CCDC181: variants seen among roughly 807,000 people sequenced by gnomAD.
CCDC181 encodes the protein coiled-coil domain-containing protein 181.
A neutral mutation model predicts 58.7 loss-of-function variants in CCDC181; 35 were observed. The ratio of observed to expected loss-of-function variants is 0.60; its 90% CI spans 0.46 to 0.79. The LOEUF is 0.79. Ranked by LOEUF, CCDC181 falls within the 30% of genes least tolerant of loss-of-function variation. The pLI is 0.00. For synonymous variants in CCDC181, 183 were observed against 197.5 expected (o/e 0.93, Z 0.62); for missense variants, 517 against 583.9 (o/e 0.89, Z 1.18).
chr1:169,430,635 G>A (rs1378572063), upstream of CCDC181, among the ~76,000 whole-genome samples: 1 of 150,670 alleles, frequency 6.6e-6, no homozygotes, highest in South Asian at 2.1e-4. Flanking sequence ...GGTGGAGGGT[G>A]TCCATGTTCT....
chr1:169,397,938 T>C (rs1225196794), intron 4 of CCDC181, among the ~76,000 whole-genome samples: 1 of 152,224 alleles, frequency 6.6e-6, no homozygotes, highest in Non-Finnish European at 1.5e-5. Flanking sequence ...ATAAGCTTTG[T>C]GATTGAGCTT....
chr1:169,458,295 A>G (rs1266225798), intron 2 of CCDC181, among the ~76,000 whole-genome samples: 1 of 151,498 alleles, frequency 6.6e-6, no homozygotes, highest in African/African-American at 2.4e-5. Context: ...GGAAATGCAT[A>G]TATTTGACTT....
intron 4 of CCDC181, among the ~76,000 whole-genome samples, chr1:169,416,988 A>G (rs973031819): frequency 6.6e-6 from 1 of 152,180 alleles, no homozygotes; most frequent in African/African-American, 2.4e-5. Context: ...AAGGAAAAAG[A>G]TTATAAACAG....
intron 4 of CCDC181, among the ~76,000 whole-genome samples, chr1:169,415,427 T>A (rs1302207572): frequency 6.6e-6 from 1 of 152,072 alleles, no homozygotes; most frequent in Non-Finnish European, 1.5e-5. Context: ...ATATAAAAAC[T>A]CCCAAACAAC....
chr1:169,403,831 A>G (rs1007163061), intron 4 of CCDC181, among the ~76,000 whole-genome samples: 5 of 152,240 alleles, frequency 3.3e-5, no homozygotes, highest in African/African-American at 1.2e-4. Context: ...TGAAGGAGAT[A>G]GAGACAAAAG....
At chr1:169,416,890 G>C (rs913664513) in intron 4 of CCDC181, among the ~76,000 whole-genome samples, 1 of 151,956 alleles carries the variant, frequency 6.6e-6, no homozygotes, top group Admixed American at 6.6e-5. Flanking sequence ...AAAATATATT[G>C]TCAGACTAGG....
rs575443577 is a variant in CCDC181 at position 169,452,793 on chromosome 1, G to A, written c.-24+7004C>T. 6 of 151,956 alleles carry A rather than the reference G, an allele frequency of 3.9e-5. No homozygotes were observed. In the South Asian group the frequency reaches 1.2e-3, roughly 32 times the overall value. 9.4% of individuals were successfully genotyped at this position (151,956 alleles called of 1,614,324 possible). ...AGTAATATATTTAATTTGCATTTAT[G>A]TTTTGTTTTAATTTTGAACAAAACA... On this transcript the variant is annotated intron_variant, in intron 2 of 6. Coordinates refer to the CCDC181 transcript ENST00000545005.
chr1:169,458,185 T>G (rs1198032333), intron 2 of CCDC181, among the ~76,000 whole-genome samples: 1 of 119,636 alleles, frequency 8.4e-6, no homozygotes, highest in African/African-American at 3.3e-5. Flanking sequence ...GTTTTTTTTT[T>G]TTTGTTTTGT....
intron 2 of CCDC181, among the ~76,000 whole-genome samples, chr1:169,436,776 C>T (rs1410766632): frequency 6.6e-6 from 1 of 152,142 alleles, no homozygotes; most frequent in Non-Finnish European, 1.5e-5. Flanking sequence ...TTCAATTTAG[C>T]CTGTTGAGCT....
chr1:169,458,541 A>G (rs1657744111), intron 2 of CCDC181, among the ~76,000 whole-genome samples: 1 of 152,184 alleles, frequency 6.6e-6, no homozygotes, highest in African/African-American at 2.4e-5. Context: ...TAGGCACTCT[A>G]CTGGCACAGA....
At chr1:169,445,538 C>T (rs898333720) in intron 2 of CCDC181, among the ~76,000 whole-genome samples, 8 of 152,112 alleles carry the variant, frequency 5.3e-5, no homozygotes, top group Non-Finnish European at 1.2e-4. Flanking sequence ...GGATTTGATT[C>T]ACTAATCTTG....
chr1:169,447,673 G>C (rs571672247), intron 2 of CCDC181, among the ~76,000 whole-genome samples: 1 of 152,140 alleles, frequency 6.6e-6, no homozygotes, highest in Non-Finnish European at 1.5e-5. Context: ...TATGTCTCAC[G>C]TAATTTAACC....
chr1:169,422,365 G>C (rs768719577), intron 2 of CCDC181, 52 bp from the exon 3 acceptor site: 24 of 1,308,436 alleles, frequency 1.8e-5, no homozygotes, highest in Non-Finnish European at 2.4e-5. Context: ...TTTATAAGTA[G>C]ACATACAAAA....
chr1:169,436,262 A>T (rs1275026932), intron 2 of CCDC181, among the ~76,000 whole-genome samples: 1 of 152,236 alleles, frequency 6.6e-6, no homozygotes, highest in Admixed American at 6.5e-5. Flanking sequence ...CTCAGCAGAA[A>T]TATGCTTAAC....
intron 2 of CCDC181, among the ~76,000 whole-genome samples, chr1:169,436,406 C>T (rs1400709507): frequency 6.6e-6 from 1 of 152,080 alleles, no homozygotes; most frequent in Non-Finnish European, 1.5e-5. Flanking sequence ...TTATGCCATA[C>T]CCCATCTTGC....
intron 4 of CCDC181, among the ~76,000 whole-genome samples, chr1:169,417,522 C>T (rs1382856236): frequency 3.9e-5 from 6 of 152,212 alleles, no homozygotes; most frequent in Non-Finnish European, 8.8e-5. Context: ...ACCACATTTC[C>T]CATACCCTAG....
At chr1:169,453,532 C>T (rs912416507) in intron 2 of CCDC181, among the ~76,000 whole-genome samples, 13 of 151,974 alleles carry the variant, frequency 8.6e-5, no homozygotes, top group African/African-American at 2.9e-4. Context: ...AATGGGGAGG[C>T]CATATTTTTT....
upstream of CCDC181, among the ~76,000 whole-genome samples, chr1:169,428,935 A>G (rs1300553712): frequency 6.6e-6 from 1 of 152,088 alleles, no homozygotes; most frequent in Non-Finnish European, 1.5e-5. Flanking sequence ...TAGTTTTTTT[A>G]TGCCTCATCC....
rs1656477290 is a variant in CCDC181, at chr1:169,421,779, G to C, written c.652C>G (p.Leu218Val). 3 of 1,613,998 alleles carry C rather than the reference G, an allele frequency of 1.9e-6. No individual in the cohort carries two copies. Among genetic ancestry groups the C allele is most frequent in the Non-Finnish European group, 2.5e-6 (3 of 1,180,020 alleles). ...TCAAATTTTCCATCTCTCTCTACCA[G>C]TATTGTCCTATCCTTGTTTTCTTCA... ...SCEENKDRTI[L>V]VERDGKFELL... The change falls in exon 3 of 6, where the codon CTG (leucine) becomes GTG (valine). Residue 218 changes from leucine to valine, a missense_variant. Physicochemically the swap from Leu to Val is conservative, Grantham distance 32 (BLOSUM62 1). Coordinates refer to ENST00000367806, the MANE Select transcript of CCDC181 (RefSeq NM_001300969.2).
Sources: allele counts gnomAD v4.1 joint callset (sites outside exome capture counted in the v4.1 genomes callset), GRCh38; gene constraint gnomAD v4.1.1; transcripts MANE v1.5; gene names NCBI Gene and HGNC (gene_info 2026-07-23, HGNC 2026-07-21).